SBNO2: variants seen among roughly 807,000 people sequenced by gnomAD.
The protein encoded by SBNO2 is protein strawberry notch homolog 2.
Under a neutral mutation model 146.3 loss-of-function variants are expected in SBNO2, and 89 were observed. The observed-to-expected ratio is 0.61, with a 90% CI of 0.51 to 0.73. The LOEUF (loss-of-function observed/expected upper bound fraction) is 0.73, where lower values mean the gene tolerates loss of function less well. SBNO2 is among the 30% of genes least tolerant of loss of function. The probability of loss-of-function intolerance (pLI) is 0.00; values close to 1 mark genes in which losing one functional copy is unlikely to be tolerated. For missense variants in SBNO2, 2,092 were observed against 2,003.7 expected, an observed-to-expected ratio of 1.04 and a Z score of -0.84; for synonymous variants, 1,147 against 892.6, an observed-to-expected ratio of 1.29 and a Z score of -5.08.
In SBNO2 at chr19:1,127,585, G is replaced by T; in HGVS notation, c.441+19C>A. Reference sequence around the variant, plus strand: ...ACGCTGGTGGGTCGGGGCTGGCTGGGGGCACCGGGCGCACTGACCTTATCG... The same window carrying T: ...ACGCTGGTGGGTCGGGGCTGGCTGGTGGCACCGGGCGCACTGACCTTATCG... On this transcript the variant is annotated intron_variant, in intron 5 of 31. Transcript: ENST00000361757. 1 of 1,608,040 alleles carries T rather than the reference G, an allele frequency of 6.2e-7. No individual in the cohort carries two copies. The highest frequency in any genetic ancestry group is 8.5e-7 in the Non-Finnish European group (1 of 1,177,724).
At chr19:1,127,511 G>T in intron 5 of SBNO2, 93 bp downstream of exon 5, 1 of 1,203,706 alleles carries the variant, frequency 8.3e-7, no homozygotes, top group Non-Finnish European at 1.2e-6. Context: ...CGCAGAGTGG[G>T]GGAGACTGAG....
chr19:1,135,405 T>G (rs1481359486), intron 4 of SBNO2, among the ~76,000 whole-genome samples: 1 of 152,170 alleles, frequency 6.6e-6, no homozygotes, highest in Non-Finnish European at 1.5e-5. Flanking sequence ...TTTGTCTCAG[T>G]TTTTAAAAGA....
rs1034951684 is a variant in SBNO2, at chr19:1,124,141, C to T, written c.442-119G>A. 6.6e-6 allele frequency: 6 copies of T among 915,932 alleles called. No individual in the cohort carries two copies. The Admixed American group carries it at 8.7e-5, about 13-fold the overall frequency. The allele number at this position is 915,932 out of a possible 1,614,324, so 56.7% of individuals were successfully genotyped here. On this transcript the variant is annotated intron_variant, in intron 5 of 31. Coordinates refer to ENST00000361757, the MANE Select transcript of SBNO2 (RefSeq NM_014963.3). ...TGCCCCGTCCTCGCCTCCCCATCCT[C>T]GCTCCCCAGGGCCCTGGGTCTTGCT...
intron 3 of SBNO2, 66 bp downstream of exon 3, chr19:1,149,303 C>T (rs1010154061): frequency 1.8e-5 from 26 of 1,446,184 alleles, no homozygotes; most frequent in East Asian, 7.4e-5. Context: ...CCCAGAACTC[C>T]GTTTGTAACT....
Position 1,173,576 on chromosome 19 carries a change from G to C in SBNO2, c.-127+596C>G, listed in dbSNP as rs1020031778. The C allele has an allele frequency of 5.2e-5, 8 of 152,560 alleles. No individual in the cohort carries two copies. The highest frequency in any genetic ancestry group is 7.3e-5 in the Non-Finnish European group (5 of 68,296). The allele number at this position is 152,560 out of a possible 1,614,324, so 9.5% of individuals were successfully genotyped here. On this transcript the variant is annotated intron_variant, in intron 1 of 31. Coordinates refer to ENST00000361757, the MANE Select transcript of SBNO2 (RefSeq NM_014963.3). This position sits in a 1 kb window ranked among gnomAD's most constrained non-coding sequence, Gnocchi z 4.7. Reference sequence around the variant, plus strand: ...GAGAAGGCAAGGGTCCTGGGACCGGGGACAAGGAGGAGGAAGGGGCACGAA... The same window carrying C: ...GAGAAGGCAAGGGTCCTGGGACCGGCGACAAGGAGGAGGAAGGGGCACGAA...
chr19:1,147,438 G>GA lies in SBNO2; in HGVS notation c.168-19_168-18insT. ...TGAACGGGCTGGAGGGAGATGGGGG[G>GA]GGGGGAGGTGAGATGGGGTGCTCAA... On this transcript the variant is annotated intron_variant, in intron 3 of 31. Coordinates refer to ENST00000361757, the MANE Select transcript of SBNO2 (RefSeq NM_014963.3). 1 of 1,286,850 alleles carries GA rather than the reference G, an allele frequency of 7.8e-7. No individual in the cohort carries two copies. The highest frequency in any genetic ancestry group is 1.1e-6 in the Non-Finnish European group (1 of 941,592). 79.7% of individuals were successfully genotyped at this position (1,286,850 alleles called of 1,614,324 possible).
At chr19:1,127,897 C>T (rs1038337107) in intron 4 of SBNO2, 132 bp from the exon 5 acceptor site, 7 of 793,016 alleles carry the variant, frequency 8.8e-6, no homozygotes, top group East Asian at 2.6e-5. Flanking sequence ...GGAGACACCA[C>T]GGCCCTCCCA....
intron 4 of SBNO2, among the ~76,000 whole-genome samples, chr19:1,139,278 T>C (rs997996653): frequency 6.6e-6 from 1 of 151,266 alleles, no homozygotes; most frequent in African/African-American, 2.4e-5. Flanking sequence ...CTATGAAATG[T>C]GCAGGACAGG....
intron 1 of SBNO2, among the ~76,000 whole-genome samples, chr19:1,166,844 A>G (rs1351259018): frequency 1.3e-5 from 2 of 152,066 alleles, no homozygotes; most frequent in Non-Finnish European, 1.5e-5. Context: ...CCCATCCCAC[A>G]CCTGCTACTG....
chr19:1,169,576 C>T (rs779170520), intron 1 of SBNO2, among the ~76,000 whole-genome samples: 1 of 152,170 alleles, frequency 6.6e-6, no homozygotes, highest in Non-Finnish European at 1.5e-5. Context: ...TGGGCCTGGG[C>T]GAGGGGCCCC....
intron 19 of SBNO2, 116 bp downstream of exon 19, chr19:1,113,419 G>A: frequency 3.1e-6 from 3 of 977,532 alleles, no homozygotes; most frequent in Non-Finnish European, 4.4e-6. Flanking sequence ...TCCTCGCAGG[G>A]CCGCGGAGAC....
chr19:1,130,576 G>A, intron 4 of SBNO2, among the ~76,000 whole-genome samples: 1 of 152,026 alleles, frequency 6.6e-6, no homozygotes, highest in Non-Finnish European at 1.5e-5. Context: ...AGAATCACTT[G>A]AGCCCAGGAG....
chr19:1,124,947 C>T (rs1429757235), intron 5 of SBNO2, among the ~76,000 whole-genome samples: 1 of 152,058 alleles, frequency 6.6e-6, no homozygotes, highest in Non-Finnish European at 1.5e-5. Context: ...ACAGTGTGGA[C>T]CCCGGGACGG....
At chr19:1,147,235 TCG>T (rs933566431) in intron 4 of SBNO2, 72 bp downstream of exon 4, 63 of 1,018,664 alleles carry the variant, frequency 6.2e-5, no homozygotes, top group Non-Finnish European at 9.0e-5. Context: ...GCGAGAGAGG[TCG>T]CAGGGCAGCT....
intron 1 of SBNO2, among the ~76,000 whole-genome samples, chr19:1,165,579 C>T (rs182539149): frequency 1.3e-5 from 2 of 152,032 alleles, no homozygotes; most frequent in African/African-American, 4.8e-5. Context: ...GGGAACCAGA[C>T]CCCAGATCCC....
At chr19:1,128,901 C>T (rs2079997330) in intron 4 of SBNO2, among the ~76,000 whole-genome samples, 1 of 149,966 alleles carries the variant, frequency 6.7e-6, no homozygotes, top group Non-Finnish European at 1.5e-5. Flanking sequence ...CCAGAGGGGT[C>T]AAGGCTGCAG....
chr19:1,126,956 G>A lies in SBNO2; in HGVS notation c.441+648C>T, dbSNP rs1235460849. ...TGCTGCCCTACAACCCCTGCTCTAGGCCTGGCCCACCCAGGTCCTTCAGGA... is the reference window on the plus strand; with the variant it reads ...TGCTGCCCTACAACCCCTGCTCTAGACCTGGCCCACCCAGGTCCTTCAGGA... On this transcript the variant is annotated intron_variant, in intron 5 of 31. Transcript: ENST00000361757. This position sits in a 1 kb window ranked among gnomAD's most constrained non-coding sequence, Gnocchi z 4.4. Among the ~76,000 whole-genome samples the A allele has an allele frequency of 6.6e-6, 1 of 152,172 alleles. No individual in the cohort carries two copies. Among genetic ancestry groups the A allele is most frequent in the Non-Finnish European group, 1.5e-5 (1 of 68,018 alleles).
rs970827425 is a variant in SBNO2 at position 1,150,357 on chromosome 19, G to A, written c.94-915C>T. On this transcript the variant is annotated intron_variant, in intron 2 of 31. Coordinates refer to ENST00000361757, the MANE Select transcript of SBNO2 (RefSeq NM_014963.3). This position sits in a 1 kb window ranked among gnomAD's most constrained non-coding sequence, Gnocchi z 6.2. Reference sequence around the variant, plus strand: ...GGGGGCAGGGCTGTGGACACCTCGTGCCCTGCAGAATGGGCACCCCTCAGC... The same window carrying A: ...GGGGGCAGGGCTGTGGACACCTCGTACCCTGCAGAATGGGCACCCCTCAGC... 2.6e-5 allele frequency among the ~76,000 whole-genome samples: 4 copies of A among 152,106 alleles called. No homozygotes were observed. Among genetic ancestry groups the A allele is most frequent in the Admixed American group, 6.5e-5 (1 of 15,278 alleles).
At position 1,112,813 on chromosome 19, in the gene SBNO2, C is replaced by T. The variant is rs1283082802; in HGVS notation, c.2379+5G>A. 6.4e-7 allele frequency: 1 copy of T among 1,566,678 alleles called. No individual in the cohort carries two copies. Among genetic ancestry groups the T allele is most frequent in the Non-Finnish European group, 8.6e-7 (1 of 1,157,666 alleles). ...GGCCGCGCCCAGTGCACTGCAGCCC[C>T]GCACCTTCTCGCCGCTCATGAAGCG... is the stretch of plus-strand genomic sequence containing the variant. On this transcript the variant is annotated splice_donor_5th_base_variant and intron_variant, in intron 20 of 31. Transcript: ENST00000361757. The surrounding 1 kb of genome is among the most constrained non-coding windows in gnomAD (Gnocchi z 5.9).
Sources: gnomAD v4.1 joint callset for allele counts (sites outside exome capture counted in the v4.1 genomes callset) on GRCh38, gnomAD v4.1.1 for gene constraint, Gnocchi (gnomAD v3.1) non-coding constraint, MANE v1.5 for transcripts, NCBI Gene and HGNC (gene_info 2026-07-23, HGNC 2026-07-21) for gene names.